ALDH1A2: variants seen among roughly 807,000 people sequenced by gnomAD.
ALDH1A2 encodes aldehyde dehydrogenase 1 family member A2.
Under a neutral mutation model 60.3 loss-of-function variants are expected in ALDH1A2, and 27 were observed. The ratio of observed to expected loss-of-function variants is 0.45; its 90% CI spans 0.33 to 0.62. ALDH1A2 has a LOEUF of 0.62. ALDH1A2 is among the 20% of genes least tolerant of loss of function. The pLI, the probability that ALDH1A2 is intolerant of heterozygous loss-of-function variation, is 0.02. For synonymous variants in ALDH1A2, 289 were observed against 232.4 expected, an observed-to-expected ratio of 1.24 and a Z score of -2.21; for missense variants, 581 against 643.8, an observed-to-expected ratio of 0.90 and a Z score of 1.06.
At chr15:58,008,931 G>T (rs1414286847) in intron 4 of ALDH1A2, among the ~76,000 whole-genome samples, 1 of 152,078 alleles carries the variant, frequency 6.6e-6, no homozygotes, top group African/African-American at 2.4e-5. Context: ...CAGCTGTTCT[G>T]TAATATCCTT....
intron 7 of ALDH1A2, among the ~76,000 whole-genome samples, chr15:57,973,275 TTATG>T (rs1413124438): frequency 2.6e-5 from 4 of 152,230 alleles, no homozygotes; most frequent in South Asian, 2.1e-4. Flanking sequence ...CATGCACTGC[TTATG>T]TATTTAGCTG....
At chr15:57,976,527 T>C (rs991413113) in intron 7 of ALDH1A2, among the ~76,000 whole-genome samples, 2 of 152,206 alleles carry the variant, frequency 1.3e-5, no homozygotes, top group Admixed American at 6.5e-5. Flanking sequence ...TTTGGTTTTC[T>C]GTTTGTGTTA....
At chr15:58,050,420 ATTTCAG>A (rs1438651269) in intron 1 of ALDH1A2, among the ~76,000 whole-genome samples, 5 of 152,140 alleles carry the variant, frequency 3.3e-5, no homozygotes, top group Non-Finnish European at 7.4e-5. Context: ...AGTAAATAAA[ATTTCAG>A]TTTAAGTATG....
intron 1 of ALDH1A2, among the ~76,000 whole-genome samples, chr15:58,059,239 A>T (rs1229106352): frequency 6.6e-6 from 1 of 152,224 alleles, no homozygotes; most frequent in Non-Finnish European, 1.5e-5. Flanking sequence ...ACATTACAGC[A>T]ATCACCTCTA....
intron 4 of ALDH1A2, among the ~76,000 whole-genome samples, chr15:57,999,284 A>C (rs1895177280): frequency 6.6e-6 from 1 of 152,136 alleles, no homozygotes; most frequent in Non-Finnish European, 1.5e-5. Context: ...AATTTTTTGC[A>C]ATCTATGCAT....
intron 4 of ALDH1A2, among the ~76,000 whole-genome samples, chr15:57,998,953 G>T: frequency 6.6e-6 from 1 of 152,008 alleles, no homozygotes; most frequent in Non-Finnish European, 1.5e-5. Flanking sequence ...AATGGGGAAA[G>T]GATTCCCCAT....
intron 3 of ALDH1A2, 52 bp from the exon 4 acceptor site, chr15:58,010,830 A>C: frequency 6.2e-7 from 1 of 1,606,040 alleles, no homozygotes; most frequent in Admixed American, 1.7e-5. Context: ...TTCCAGCGAT[A>C]CACTAATTTC....
intron 1 of ALDH1A2, among the ~76,000 whole-genome samples, chr15:58,043,675 T>C (rs1337003392): frequency 6.6e-6 from 1 of 151,974 alleles, no homozygotes; most frequent in African/African-American, 2.4e-5. Flanking sequence ...AACAGACATT[T>C]TTAAACCTAT....
intron 7 of ALDH1A2, among the ~76,000 whole-genome samples, chr15:57,981,289 AAC>A (rs775138747): frequency 0.066 from 9,366 of 141,924 alleles, 339 homozygotes; most frequent in East Asian, 0.18. Flanking sequence ...TAGAAGAGCA[AAC>A]ACACACACAC....
chr15:57,984,812 G>T (rs1411103571), intron 7 of ALDH1A2, among the ~76,000 whole-genome samples: 1 of 152,136 alleles, frequency 6.6e-6, no homozygotes, highest in African/African-American at 2.4e-5. Context: ...GAATAATACT[G>T]CTGTGAACAT....
chr15:57,989,883 G>A (rs1389079153), intron 7 of ALDH1A2, among the ~76,000 whole-genome samples: 5 of 151,826 alleles, frequency 3.3e-5, no homozygotes, highest in African/African-American at 4.8e-5. Context: ...ATTAAGGGCC[G>A]TTTGTATAAT....
At chr15:57,975,149 G>T (rs549083287) in intron 7 of ALDH1A2, among the ~76,000 whole-genome samples, 1 of 152,342 alleles carries the variant, frequency 6.6e-6, no homozygotes, top group African/African-American at 2.4e-5. Context: ...TTGGAAAACA[G>T]TTTGGCAGTT....
chr15:57,994,332 C>T (rs2140492952), intron 5 of ALDH1A2, among the ~76,000 whole-genome samples: 1 of 152,262 alleles, frequency 6.6e-6, no homozygotes, highest in South Asian at 2.1e-4. Context: ...GTTCCCAATG[C>T]CAAAGATTAT....
intron 1 of ALDH1A2, among the ~76,000 whole-genome samples, chr15:58,031,423 C>T (rs1222373750): frequency 1.3e-5 from 2 of 152,154 alleles, no homozygotes; most frequent in Non-Finnish European, 2.9e-5. Flanking sequence ...TAGAAGAAAA[C>T]CTAGGCAATA....
In ALDH1A2 at chr15:57,993,062, G is replaced by A. The variant is rs1439858879; in HGVS notation, c.567C>T (p.Pro189=). 1.2e-6 allele frequency: 2 copies of A among 1,612,426 alleles called. No individual in the cohort carries two copies. Among genetic ancestry groups the A allele is most frequent in the African/African-American group, 1.3e-5 (1 of 74,846 alleles). Residue 189 remains proline (P), a synonymous_variant, in exon 6 of 13, where the codon CCC becomes CCT. Coordinates refer to ENST00000249750, the MANE Select transcript of ALDH1A2 (RefSeq NM_003888.4). ...VCGQIIPWNF[P]LLMFAWKIAP... ...CTATTTTCCAGGCAAACATCAGCAG[G>A]GGGAAGTTCCACTGAAAGGAAAAAA...
chr15:58,027,287 T>A (rs1023406212), intron 1 of ALDH1A2, among the ~76,000 whole-genome samples: 2 of 152,292 alleles, frequency 1.3e-5, no homozygotes, highest in Middle Eastern at 3.4e-3. Flanking sequence ...CCAACAGACC[T>A]GCAGCTGAGG....
intron 7 of ALDH1A2, among the ~76,000 whole-genome samples, chr15:57,981,289 AACACACACACACACACACACAC>A (rs775138747): frequency 1.4e-5 from 2 of 142,042 alleles, no homozygotes; most frequent in African/African-American, 2.6e-5. Flanking sequence ...TAGAAGAGCA[AACACACACACACACACACACAC>A]ACACACACAC....
At chr15:58,035,215 A>T (rs1169095371) in intron 1 of ALDH1A2, among the ~76,000 whole-genome samples, 6 of 151,662 alleles carry the variant, frequency 4.0e-5, no homozygotes, top group Non-Finnish European at 7.4e-5. Context: ...ATTTCACCTA[A>T]ATTATCAAAT....
In ALDH1A2 at chr15:58,045,537, A is replaced by G. The variant is rs1382028354; in HGVS notation, c.117+19997T>C. Among the ~76,000 whole-genome samples the G allele has an allele frequency of 1.3e-5, 2 of 152,170 alleles. 1 individual carries two copies. Among genetic ancestry groups the G allele is most frequent in the Non-Finnish European group, 2.9e-5 (2 of 68,006 alleles). ...AGACTGGATAAAGAAAATGTGAAACATATACACCATGGAATACTATGCAGC... is the reference window on the plus strand; with the variant it reads ...AGACTGGATAAAGAAAATGTGAAACGTATACACCATGGAATACTATGCAGC... On this transcript the variant is annotated intron_variant, in intron 1 of 12. Coordinates refer to ENST00000249750, the MANE Select transcript of ALDH1A2 (RefSeq NM_003888.4).
Sources: gnomAD v4.1 joint callset for allele counts (sites outside exome capture counted in the v4.1 genomes callset) on GRCh38, gnomAD v4.1.1 for gene constraint, MANE v1.5 for transcripts, NCBI Gene and HGNC (gene_info 2026-07-23, HGNC 2026-07-21) for gene names.